VDR: variants seen among roughly 807,000 people sequenced by gnomAD.
VDR encodes the protein vitamin D3 receptor.
Under a neutral mutation model 39.7 loss-of-function variants are expected in VDR, and 19 were observed. That is an observed-to-expected ratio of 0.48 (90% CI 0.33 to 0.70). VDR has a LOEUF of 0.70. VDR is among the 30% of genes least tolerant of loss of function. The pLI is 0.02. For missense variants in VDR, 442 were observed against 570.5 expected, an observed-to-expected ratio of 0.77 and a Z score of 2.29; for synonymous variants, 242 against 215.8, an observed-to-expected ratio of 1.12 and a Z score of -1.07.
chr12:47,878,136 A>G (rs1038381829), intron 3 of VDR, among the ~76,000 whole-genome samples: 2 of 152,234 alleles, frequency 1.3e-5, no homozygotes, highest in Non-Finnish European at 2.9e-5. Context: ...TTTGATGGTT[A>G]GAGCCCTGCC....
At chr12:47,870,301 C>T (rs1449429678) in intron 3 of VDR, among the ~76,000 whole-genome samples, 1 of 152,192 alleles carries the variant, frequency 6.6e-6, no homozygotes, top group Non-Finnish European at 1.5e-5. Flanking sequence ...TGTGCTTTGT[C>T]CTGAAGGTCT....
intron 7 of VDR, among the ~76,000 whole-genome samples, chr12:47,852,734 T>G (rs2137135329): frequency 6.6e-6 from 1 of 152,258 alleles, no homozygotes; most frequent in East Asian, 1.9e-4. Flanking sequence ...AACTGGAAAG[T>G]TCTGGGTTTA....
intron 3 of VDR, among the ~76,000 whole-genome samples, chr12:47,875,922 C>T (rs1945990866): frequency 1.3e-5 from 2 of 152,224 alleles, no homozygotes. Context: ...CACATAGTTT[C>T]CCTGTGAGGC....
chr12:47,851,670 G>T (rs1945390037), intron 7 of VDR, among the ~76,000 whole-genome samples: 1 of 152,220 alleles, frequency 6.6e-6, no homozygotes, highest in Non-Finnish European at 1.5e-5. Flanking sequence ...TGGAGCCTAG[G>T]TTTGGGCTCC....
At chr12:47,856,998 T>G (rs565997176) in intron 6 of VDR, 131 bp downstream of exon 6, 1 of 1,416,450 alleles carries the variant, frequency 7.1e-7, no homozygotes, top group Admixed American at 1.8e-5. Context: ...AGACGCTGCA[T>G]AGCGCACAGT....
At chr12:47,899,872 C>T (rs527937423) in intron 1 of VDR, 6 of 981,466 alleles carry the variant, frequency 6.1e-6, no homozygotes, top group Non-Finnish European at 7.3e-6. Flanking sequence ...GGGAGGCAAG[C>T]AAAGCAATGT....
intron 1 of VDR, chr12:47,896,819 G>C (rs2137245255): frequency 6.6e-6 from 1 of 152,276 alleles, no homozygotes; most frequent in Middle Eastern, 3.4e-3. Context: ...AAAGAGGCTG[G>C]GCAGAAGTCA....
At position 47,841,885 on chromosome 12, in the gene VDR, T is replaced by A. The variant is rs953717966; in HGVS notation, c.*2861A>T. ...GCACCTTCTCCTTCAGTTATAATGA[T>A]ATACCTTAAAAGTTTTACATTTACA... On this transcript the variant is annotated 3_prime_UTR_variant, in exon 10 of 10. Transcript: ENST00000549336. 1.3e-5 allele frequency: 2 copies of A among 152,368 alleles called. No homozygotes were observed. The highest frequency in any genetic ancestry group is 2.9e-5 in the Non-Finnish European group (2 of 68,046). The allele number at this position is 152,368 out of a possible 1,614,324, so 9.4% of individuals were successfully genotyped here.
At chr12:47,857,095 C>A (rs1164625006) in intron 6 of VDR, 34 bp downstream of exon 6, 2 of 1,613,512 alleles carry the variant, frequency 1.2e-6, no homozygotes, top group African/African-American at 1.3e-5. Flanking sequence ...CGCCCCCGCT[C>A]CCTTACTCTA....
intron 1 of VDR, among the ~76,000 whole-genome samples, chr12:47,891,085 G>A (rs1024969217): frequency 2.0e-5 from 3 of 152,178 alleles, no homozygotes; most frequent in African/African-American, 7.2e-5. Flanking sequence ...TGTGTCAAAG[G>A]TCAGTATTCA....
chr12:47,890,482 G>A (rs11168286), intron 1 of VDR, among the ~76,000 whole-genome samples: 14,681 of 151,448 alleles, frequency 0.097, 857 homozygotes, highest in Middle Eastern at 0.14. Context: ...CGGTTGTCAC[G>A]TCACCAGGCA....
chr12:47,883,606 T>C (rs963010276), intron 1 of VDR, among the ~76,000 whole-genome samples: 4 of 151,994 alleles, frequency 2.6e-5, no homozygotes, highest in African/African-American at 9.7e-5. Flanking sequence ...CCTGCAGACA[T>C]AGACAAACAG....
intron 4 of VDR, among the ~76,000 whole-genome samples, chr12:47,859,382 T>C (rs1429630334): frequency 6.6e-6 from 1 of 152,198 alleles, no homozygotes; most frequent in East Asian, 1.9e-4. Context: ...AGACTTCATG[T>C]CTTAGTGCTT....
Position 47,875,281 on chromosome 12 carries a change from G to A in VDR, c.146+3687C>T, listed in dbSNP as rs112853820. Among the ~76,000 whole-genome samples, 365 of 152,342 alleles carry A rather than the reference G, an allele frequency of 2.4e-3. 4 individuals are homozygous for A. Among genetic ancestry groups the A allele is most frequent in the African/African-American group, 8.4e-3 (350 of 41,588 alleles). ...AAATACTAAATGGTCAAATGGGATT[G>A]GATTACTGGTCTCCAGGGCTTGGAA... On this transcript the variant is annotated intron_variant, in intron 3 of 9. Transcript: ENST00000549336.
At chr12:47,848,218 A>T (rs1945316852) in intron 7 of VDR, among the ~76,000 whole-genome samples, 2 of 151,986 alleles carry the variant, frequency 1.3e-5, no homozygotes, top group South Asian at 4.2e-4. Context: ...TTTTGTAGGG[A>T]TGGTGTCTCA....
intron 2 of VDR, among the ~76,000 whole-genome samples, chr12:47,879,726 T>C (rs567605558): frequency 4.6e-5 from 7 of 152,322 alleles, no homozygotes; most frequent in African/African-American, 1.7e-4. Flanking sequence ...GCCCCTGGTG[T>C]TCCTGTACCA....
intron 2 of VDR, among the ~76,000 whole-genome samples, chr12:47,880,493 G>A (rs1946124067): frequency 6.6e-6 from 1 of 152,094 alleles, no homozygotes. Context: ...AACCACTACT[G>A]CCAAATGAAT....
chr12:47,861,475 T>C (rs955427854), intron 4 of VDR, among the ~76,000 whole-genome samples: 1 of 152,248 alleles, frequency 6.6e-6, no homozygotes, highest in South Asian at 2.1e-4. Context: ...CTTTCACATA[T>C]GCAAATGCAC....
chr12:47,902,312 T>C (rs879256017), intron 1 of VDR, among the ~76,000 whole-genome samples: 5 of 152,134 alleles, frequency 3.3e-5, no homozygotes, highest in Non-Finnish European at 5.9e-5. Context: ...GGAAGCAAAA[T>C]GACAAGCAAG....
Sources: gnomAD v4.1 joint callset for allele counts (sites outside exome capture counted in the v4.1 genomes callset) on GRCh38, gnomAD v4.1.1 for gene constraint, MANE v1.5 for transcripts, NCBI Gene and HGNC (gene_info 2026-07-23, HGNC 2026-07-21) for gene names.